DAND5: variants seen among roughly 807,000 people sequenced by gnomAD.
DAND5 encodes the protein DAN domain family member 5.
DAND5 carries 8 observed loss-of-function variants against 9.2 expected under a neutral mutation model. That is an observed-to-expected ratio of 0.87 (90% CI 0.51 to 1.56). The LOEUF (loss-of-function observed/expected upper bound fraction) is 1.56. Ranked by LOEUF, DAND5 falls within the 40% of genes most tolerant of loss-of-function variation. The probability of loss-of-function intolerance (pLI) is 0.00; values close to 1 mark genes in which losing one functional copy is unlikely to be tolerated. For missense variants in DAND5, 244 were observed against 244.7 expected (o/e 1.00, Z 0.02); for synonymous variants, 95 against 101.1 (o/e 0.94, Z 0.36).
chr19:12,970,229 A>G (rs1462635141), intron 1 of DAND5, among the ~76,000 whole-genome samples: 1 of 151,756 alleles, frequency 6.6e-6, no homozygotes, highest in African/African-American at 2.4e-5. Context: ...GTGCCTGTGA[A>G]CACCAGAGTC....
chr19:12,973,894 G>A lies in DAND5; in HGVS notation c.*260G>A, dbSNP rs1038194677. The A allele has an allele frequency of 5.7e-5, 23 of 401,106 alleles. No homozygotes were observed. Among genetic ancestry groups the A allele is most frequent in the Admixed American group, 4.3e-4 (10 of 23,210 alleles). 24.8% of individuals were successfully genotyped at this position (401,106 alleles called of 1,614,324 possible). A position where few individuals can be genotyped will look rare whatever the true frequency, so the allele number is the denominator to read the frequency against. On this transcript the variant is annotated 3_prime_UTR_variant, in exon 2 of 2. Transcript: ENST00000317060. ...TTTTTTTTTTTTGAGATGGAGTCTCGCTCTGTCGCCCAGGCTGGAGTGCAG... is the reference window on the plus strand; with the variant it reads ...TTTTTTTTTTTTGAGATGGAGTCTCACTCTGTCGCCCAGGCTGGAGTGCAG...
chr19:12,972,336 G>A (rs952904297), intron 1 of DAND5, among the ~76,000 whole-genome samples: 1 of 151,968 alleles, frequency 6.6e-6, no homozygotes, highest in African/African-American at 2.4e-5. Context: ...TGGGATTATA[G>A]GCATGAGCCA....
In DAND5 at chr19:12,969,707, C is replaced by T. The variant is rs754954986; in HGVS notation, c.47C>T (p.Ala16Val). The T allele has an allele frequency of 6.8e-6, 11 of 1,607,094 alleles. 1 individual carries two copies. The Admixed American group carries it at 1.9e-4, about 27-fold the overall frequency. The change falls in exon 1 of 2, where the codon GCC becomes GTC. Residue 16 changes from alanine (A) to valine (V), a missense_variant. Ala to Val is a moderately conservative substitution (Grantham distance 64). Transcript: ENST00000317060. The part of the protein sequence containing the change: ...LSTLLCLLSG[A>V]LPTGSGRPEP... ...ACTCTTCTGTGCCTGCTTAGCGGGG[C>T]CCTGCCTACAGGCTCAGGGAGGCCT...
chr19:12,971,939 G>A (rs1224730034), intron 1 of DAND5, among the ~76,000 whole-genome samples: 3 of 151,904 alleles, frequency 2.0e-5, no homozygotes, highest in Non-Finnish European at 2.9e-5. Flanking sequence ...CACCCAGGCT[G>A]GAGTACAGTG....
chr19:12,972,593 A>G (rs949912253), intron 1 of DAND5, among the ~76,000 whole-genome samples: 1 of 151,478 alleles, frequency 6.6e-6, no homozygotes, highest in African/African-American at 2.4e-5. Flanking sequence ...CCCAGGCTAG[A>G]GTGCAATCAT....
intron 1 of DAND5, among the ~76,000 whole-genome samples, chr19:12,972,861 CTTTT>C (rs1212086930): frequency 1.9e-5 from 2 of 104,720 alleles, no homozygotes; most frequent in African/African-American, 7.3e-5. Context: ...AATTTCTTTT[CTTTT>C]TTTTTTTTTT....
rs1225785242 is a variant in DAND5 at position 12,972,097 on chromosome 19, C to T, written c.325-1292C>T. On this transcript the variant is annotated intron_variant, in intron 1 of 1. Coordinates refer to ENST00000317060, the MANE Select transcript of DAND5 (RefSeq NM_152654.3). ...TTTTTGAGACGGAGTCTCGCTCTGT[C>T]GCCCAGGCTGGAGTGCGGTGGTGGG... is the stretch of plus-strand genomic sequence containing the variant. 7.5e-5 allele frequency among the ~76,000 whole-genome samples: 11 copies of T among 147,592 alleles called. No individual in the cohort carries two copies. In the East Asian group the frequency reaches 1.4e-3, roughly 19 times the overall value.
At chr19:12,970,069 C>A in intron 1 of DAND5, 85 bp downstream of exon 1, 2 of 1,510,930 alleles carry the variant, frequency 1.3e-6, no homozygotes, top group South Asian at 1.2e-5. Context: ...GATTTGGGTT[C>A]AAGTCCTGTA....
chr19:12,973,480 C>G lies in DAND5; in HGVS notation c.416C>G (p.Pro139Arg). ...CSSLYIPGSDPTPLVLCNSCM... is the reference protein window; with the variant it reads ...CSSLYIPGSDRTPLVLCNSCM... ...TCTCTCTACATCCCTGGCTCGGACC[C>G]CACCCCACTAGTCCTGTGCAACAGC... The change falls in exon 2 of 2, where the codon CCC (proline) becomes CGC (arginine). Residue 139 changes from proline to arginine, a missense_variant. Physicochemically the swap from Pro to Arg is moderately radical, Grantham distance 103. Transcript: ENST00000317060. 6.2e-7 allele frequency: 1 copy of G among 1,614,182 alleles called. No individual in the cohort carries two copies. The highest frequency in any genetic ancestry group is 8.5e-7 in the Non-Finnish European group (1 of 1,180,040).
In DAND5 at chr19:12,973,642, A is replaced by G. The variant is rs370085230; in HGVS notation, c.*8A>G. On this transcript the variant is annotated 3_prime_UTR_variant, in exon 2 of 2. Transcript: ENST00000317060. ...TGCAGCCCAAAAGCATGAACTGAGC[A>G]TCGTGGATGGGTGCACGGAGACACG... 2 of 1,612,772 alleles carry G rather than the reference A, an allele frequency of 1.2e-6. No homozygotes were observed. Among genetic ancestry groups the G allele is most frequent in the African/African-American group, 2.7e-5 (2 of 74,884 alleles).
rs1471597227 is a variant in DAND5, at chr19:12,973,702, A to G, written c.*68A>G. 1.9e-6 allele frequency: 3 copies of G among 1,568,770 alleles called. No homozygotes were observed. The highest frequency in any genetic ancestry group is 1.7e-6 in the Non-Finnish European group (2 of 1,157,822). On this transcript the variant is annotated 3_prime_UTR_variant, in exon 2 of 2. Coordinates refer to ENST00000317060, the MANE Select transcript of DAND5 (RefSeq NM_152654.3). ...GAAATGAGGGGAGATGGACCAAGAA[A>G]GACGTGGACCTGGATGATGTACTCT...
At position 12,969,726 on chromosome 19, in the gene DAND5, G is replaced by C. The variant is rs1171682627; in HGVS notation, c.66G>C (p.Gly22=). 8 of 1,602,906 alleles carry C rather than the reference G, an allele frequency of 5.0e-6. No homozygotes were observed. In the African/African-American group the frequency reaches 1.1e-4, roughly 21 times the overall value. The part of the protein sequence containing the change: ...LLSGALPTGS[G]RPEPQSPRPQ... Reference sequence around the variant, plus strand: ...GCGGGGCCCTGCCTACAGGCTCAGGGAGGCCTGAACCCCAGTCTCCTCGAC... The same window carrying C: ...GCGGGGCCCTGCCTACAGGCTCAGGCAGGCCTGAACCCCAGTCTCCTCGAC... Residue 22 remains glycine, a synonymous_variant, in exon 1 of 2, where the codon GGG becomes GGC. Coordinates refer to ENST00000317060, the MANE Select transcript of DAND5 (RefSeq NM_152654.3).
chr19:12,972,744 T>C (rs1288948530), intron 1 of DAND5, among the ~76,000 whole-genome samples: 1 of 152,080 alleles, frequency 6.6e-6, no homozygotes, highest in Non-Finnish European at 1.5e-5. Flanking sequence ...TTTCGCCATA[T>C]TGGCCAAGCT....
In DAND5 at chr19:12,973,714, G is replaced by C. The variant is rs1599680874; in HGVS notation, c.*80G>C. On this transcript the variant is annotated 3_prime_UTR_variant, in exon 2 of 2. Coordinates refer to ENST00000317060, the MANE Select transcript of DAND5 (RefSeq NM_152654.3). Reference sequence around the variant, plus strand: ...GATGGACCAAGAAAGACGTGGACCTGGATGATGTACTCTGGGTCAAGAGAC... The same window carrying C: ...GATGGACCAAGAAAGACGTGGACCTCGATGATGTACTCTGGGTCAAGAGAC... 2 of 1,556,530 alleles carry C rather than the reference G, an allele frequency of 1.3e-6. No homozygotes were observed. The highest frequency in any genetic ancestry group is 1.7e-6 in the Non-Finnish European group (2 of 1,152,176).
intron 1 of DAND5, among the ~76,000 whole-genome samples, chr19:12,973,008 G>C (rs558776797): frequency 6.6e-6 from 1 of 151,356 alleles, no homozygotes; most frequent in African/African-American, 2.4e-5. Flanking sequence ...GACTACAGGC[G>C]CCCACCACCA....
At chr19:12,973,308 G>A in intron 1 of DAND5, 81 bp from the exon 2 acceptor site, 1 of 1,545,576 alleles carries the variant, frequency 6.5e-7, no homozygotes, top group Non-Finnish European at 8.7e-7. Flanking sequence ...TCAAGGTGGG[G>A]TGGAAGTGGA....
At position 12,974,500 on chromosome 19, in the gene DAND5, G is replaced by T. The variant is rs2011163339; in HGVS notation, c.*866G>T. On this transcript the variant is annotated 3_prime_UTR_variant, in exon 2 of 2. Transcript: ENST00000317060. ...CCCCACCCAGACCGAGAGACACAGT[G>T]ATGACCTCAGCCTAGGGACACCAAA... 6.8e-6 allele frequency: 1 copy of T among 147,952 alleles called. No homozygotes were observed. The highest frequency in any genetic ancestry group is 1.5e-5 in the Non-Finnish European group (1 of 67,294). 9.2% of individuals were successfully genotyped at this position (147,952 alleles called of 1,614,324 possible).
At chr19:12,970,954 A>C (rs2146064234) in intron 1 of DAND5, among the ~76,000 whole-genome samples, 1 of 152,318 alleles carries the variant, frequency 6.6e-6, no homozygotes, top group South Asian at 2.1e-4. Context: ...TGCTGGGATT[A>C]CAGGCGTGAG....
intron 1 of DAND5, among the ~76,000 whole-genome samples, chr19:12,970,749 C>T (rs929657254): frequency 1.3e-5 from 2 of 151,722 alleles, no homozygotes; most frequent in African/African-American, 2.4e-5. Flanking sequence ...AGTACAATCT[C>T]GGCTCACTGC....
Sources: gnomAD v4.1 joint callset for allele counts (sites outside exome capture counted in the v4.1 genomes callset) on GRCh38, gnomAD v4.1.1 for gene constraint, MANE v1.5 for transcripts, NCBI Gene and HGNC (gene_info 2026-07-23, HGNC 2026-07-21) for gene names.